CRIM1: variants seen among roughly 807,000 people sequenced by gnomAD.
CRIM1 encodes the protein cysteine rich transmembrane BMP regulator 1.
CRIM1 carries 32 observed loss-of-function variants against 116.4 expected under a neutral mutation model. That is an observed-to-expected ratio of 0.27 (90% confidence interval 0.21 to 0.37). CRIM1 has a LOEUF of 0.37. CRIM1 is among the 10% of genes least tolerant of loss of function. CRIM1 has a pLI of 1.00. For synonymous variants in CRIM1, 590 were observed against 509.2 expected (o/e 1.16, Z -2.13); for missense variants, 1,331 against 1,354.8 (o/e 0.98, Z 0.28).
chr2:36,470,648 C>T (rs1177798099), intron 5 of CRIM1, among the ~76,000 whole-genome samples: 2 of 152,190 alleles, frequency 1.3e-5, no homozygotes, highest in Admixed American at 6.5e-5. Context: ...CAAAATATTA[C>T]TGCTCATTGA....
At chr2:36,428,613 C>G (rs1048476049) in intron 2 of CRIM1, among the ~76,000 whole-genome samples, 2 of 152,274 alleles carry the variant, frequency 1.3e-5, no homozygotes, top group Admixed American at 1.3e-4. Context: ...ATTATAGTGT[C>G]TCTTATTTAG....
In CRIM1 at chr2:36,501,313, T is replaced by C. The variant is rs1172577901; in HGVS notation, c.1501+1966T>C. ...TTAACCTTAATTATTTGTCACTATT[T>C]TAAAAATATTTTTGAAGAAGATACA... On this transcript the variant is annotated intron_variant, in intron 8 of 16. Coordinates refer to ENST00000280527, the MANE Select transcript of CRIM1 (RefSeq NM_016441.3). Among the ~76,000 whole-genome samples the C allele has an allele frequency of 2.6e-5, 4 of 152,306 alleles. No individual in the cohort carries two copies. In the East Asian group the frequency reaches 7.7e-4, roughly 29 times the overall value.
intron 4 of CRIM1, among the ~76,000 whole-genome samples, chr2:36,449,686 G>A (rs966402151): frequency 6.6e-6 from 1 of 152,114 alleles, no homozygotes; most frequent in Non-Finnish European, 1.5e-5. Context: ...AAAGCCTTTA[G>A]AAGGGAAGGA....
chr2:36,499,323 T>C lies in CRIM1; in HGVS notation c.1477T>C (p.Cys493Arg), dbSNP rs1680825661. 2 of 1,614,174 alleles carry C rather than the reference T, an allele frequency of 1.2e-6. No homozygotes were observed. Among genetic ancestry groups the C allele is most frequent in the African/African-American group, 1.3e-5 (1 of 75,052 alleles). Residue 493 changes from cysteine to arginine, a missense_variant, in exon 8 of 17, where the codon TGT becomes CGT. Cys to Arg is a radical substitution (Grantham distance 180). Around this residue, in one of 3 missense-constraint regions of CRIM1, gnomAD observed 690 missense variants for 676.0 expected, o/e 1.02. Transcript: ENST00000280527. ...INGFKRDHNG[C>R]RTCQCINTEE... ...TGGTTTCAAACGCGATCACAATGGTTGTCGGACCTGTCAGTGCATAAACAG... is the reference window on the plus strand; with the variant it reads ...TGGTTTCAAACGCGATCACAATGGTCGTCGGACCTGTCAGTGCATAAACAG...
At chr2:36,523,753 G>A (rs1665572704) in intron 13 of CRIM1, among the ~76,000 whole-genome samples, 1 of 152,230 alleles carries the variant, frequency 6.6e-6, no homozygotes, top group African/African-American at 2.4e-5. Context: ...GGGGAATAAA[G>A]GAGATCTGGC....
chr2:36,374,838 G>A (rs1335764138), intron 1 of CRIM1, among the ~76,000 whole-genome samples: 1 of 145,910 alleles, frequency 6.9e-6, no homozygotes, highest in Non-Finnish European at 1.5e-5. Context: ...TAGGCTCATG[G>A]CATGAGGGCT....
intron 7 of CRIM1, among the ~76,000 whole-genome samples, chr2:36,482,161 G>T (rs951596730): frequency 6.6e-6 from 1 of 152,020 alleles, no homozygotes; most frequent in Admixed American, 6.6e-5. Flanking sequence ...TTCATGCTCT[G>T]GCTCTGATCT....
intron 2 of CRIM1, among the ~76,000 whole-genome samples, chr2:36,414,911 G>C (rs781142100): frequency 1.3e-5 from 2 of 152,198 alleles, no homozygotes; most frequent in Non-Finnish European, 2.9e-5. Context: ...AGAGTTTGAA[G>C]CTTCAGATGG....
rs1047466376 is a variant in CRIM1 at position 36,356,365 on chromosome 2, C to T, written c.73C>T (p.Leu25=). The change falls in exon 1 of 17, where the codon CTG becomes TTG. Residue 25 remains leucine (L), a synonymous_variant. Transcript: ENST00000280527. This position sits in a 1 kb window ranked among gnomAD's most constrained non-coding sequence, Gnocchi z 4.3. ...CCTGGTCTCGCTGCTGGGGCTGCTG[C>T]TGCTGCTGGCGCGCTCCGGCACCCG... is the stretch of plus-strand genomic sequence containing the variant. ...HLLVSLLGLL[L]LLARSGTRAL... The T allele has an allele frequency of 3.1e-6, 5 of 1,594,674 alleles. No homozygotes were observed. The African/African-American group carries it at 6.7e-5, about 21-fold the overall frequency.
chr2:36,409,243 G>GT (rs1428081243), intron 2 of CRIM1, among the ~76,000 whole-genome samples: 5 of 151,972 alleles, frequency 3.3e-5, no homozygotes, highest in Admixed American at 3.3e-4. Context: ...TATTCTTTTA[G>GT]TTTTTTTCCA....
rs189463116 is a variant in CRIM1, at chr2:36,423,455, A to G, written c.506-17803A>G. On this transcript the variant is annotated intron_variant, in intron 2 of 16. Transcript: ENST00000280527. ...CAATGTTCCTTTGTTAACAAGATCT[A>G]TGTGGTTGAAGTATGTATTATAGTA... is the stretch of plus-strand genomic sequence containing the variant. 3.1e-3 allele frequency among the ~76,000 whole-genome samples: 469 copies of G among 152,338 alleles called. 2 individuals are homozygous for G. The highest frequency in any genetic ancestry group is 5.1e-3 in the Non-Finnish European group (350 of 68,036).
In CRIM1 at chr2:36,512,964, T is replaced by C. The variant is rs145680724; in HGVS notation, c.1780+570T>C. ...ATGCACCCTGACCGCCGTTTCTGCC[T>C]TTACCCCAGCTCCAGCCCTGCTGCC... On this transcript the variant is annotated intron_variant, in intron 10 of 16. Coordinates refer to ENST00000280527, the MANE Select transcript of CRIM1 (RefSeq NM_016441.3). Among the ~76,000 whole-genome samples the C allele has an allele frequency of 2.4e-3, 361 of 152,294 alleles. 2 individuals are homozygous for C. Among genetic ancestry groups the C allele is most frequent in the African/African-American group, 8.4e-3 (349 of 41,566 alleles).
intron 14 of CRIM1, among the ~76,000 whole-genome samples, chr2:36,539,032 C>A (rs778330120): frequency 1.3e-5 from 2 of 152,120 alleles, no homozygotes; most frequent in Non-Finnish European, 2.9e-5. Context: ...GCAGTGCACA[C>A]GGAGCTTACG....
chr2:36,467,983 T>G (rs1678182624), intron 5 of CRIM1, among the ~76,000 whole-genome samples: 1 of 152,240 alleles, frequency 6.6e-6, no homozygotes, highest in African/African-American at 2.4e-5. Context: ...GGGATTGTTC[T>G]CAATAAAAAG....
At chr2:36,470,498 C>G (rs1016046642) in intron 5 of CRIM1, among the ~76,000 whole-genome samples, 33 of 152,146 alleles carry the variant, frequency 2.2e-4, no homozygotes, top group Admixed American at 5.9e-4. Context: ...TAAGCTAAAC[C>G]CCACGGCTGT....
intron 2 of CRIM1, among the ~76,000 whole-genome samples, chr2:36,418,839 G>A (rs951133791): frequency 1.8e-4 from 27 of 152,190 alleles, no homozygotes; most frequent in Admixed American, 1.3e-4. Context: ...CCTTGGACAA[G>A]TCATTTAACC....
intron 2 of CRIM1, among the ~76,000 whole-genome samples, chr2:36,430,235 C>A (rs928409235): frequency 1.3e-5 from 2 of 152,164 alleles, no homozygotes; most frequent in African/African-American, 4.8e-5. Context: ...TGAACCCCAT[C>A]TTGCCCTGGA....
intron 1 of CRIM1, among the ~76,000 whole-genome samples, chr2:36,373,414 T>C (rs73922893): frequency 0.01 from 1,596 of 152,318 alleles, 38 homozygotes; most frequent in African/African-American, 0.037. Context: ...TTTTCAGTGA[T>C]ACAGACAGCT....
chr2:36,418,627 C>G (rs113951713), intron 2 of CRIM1, among the ~76,000 whole-genome samples: 6 of 152,268 alleles, frequency 3.9e-5, no homozygotes, highest in African/African-American at 1.4e-4. Context: ...TTCCCCTTTT[C>G]TATGCAATGC....
Sources: gnomAD v4.1 joint callset for allele counts (sites outside exome capture counted in the v4.1 genomes callset) on GRCh38, gnomAD v4.1.1 for gene constraint, gnomAD v4.1.1 regional missense constraint, Gnocchi (gnomAD v3.1) non-coding constraint, MANE v1.5 for transcripts, NCBI Gene and HGNC (gene_info 2026-07-23, HGNC 2026-07-21) for gene names.